Variants in RAB40B observed in about 807,000 individuals in gnomAD.
RAB40B encodes RAB40B, member RAS oncogene family, also known as ras-related protein Rab-40B.
Under a neutral mutation model 24.0 loss-of-function variants are expected in RAB40B, and 21 were observed. That is an observed-to-expected ratio of 0.88 (90% CI 0.62 to 1.26). The LOEUF (loss-of-function observed/expected upper bound fraction) is 1.26. RAB40B is among the 50% of genes most tolerant of loss of function. The pLI, the probability that RAB40B is intolerant of heterozygous loss-of-function variation, is 0.00. For synonymous variants in RAB40B, 167 were observed against 169.8 expected (o/e 0.98, Z 0.13); for missense variants, 348 against 390.5 (o/e 0.89, Z 0.92).
At chr17:82,691,378 C>A (rs1368379793) in intron 1 of RAB40B, among the ~76,000 whole-genome samples, 1 of 152,104 alleles carries the variant, frequency 6.6e-6, no homozygotes, top group Non-Finnish European at 1.5e-5. Context: ...CACCCCCCTC[C>A]CTGTCACCAA....
intron 1 of RAB40B, among the ~76,000 whole-genome samples, chr17:82,679,566 T>C (rs2046429174): frequency 6.6e-6 from 1 of 152,170 alleles, no homozygotes. Context: ...TGGGAGCCAC[T>C]GCGCCCGGCC....
chr17:82,657,843 T>C lies in RAB40B; in HGVS notation c.*20A>G. ...AGCTTCTCCTGGAGAGATTCCGCCG[T>C]GTTTCTTTCAGTGCCTTCCTTAAGA... On this transcript the variant is annotated 3_prime_UTR_variant, in exon 6 of 6. Coordinates refer to ENST00000571995, the MANE Select transcript of RAB40B (RefSeq NM_006822.3). 2 of 1,609,234 alleles carry C rather than the reference T, an allele frequency of 1.2e-6. No individual in the cohort carries two copies. Among genetic ancestry groups the C allele is most frequent in the East Asian group, 2.3e-5 (1 of 44,308 alleles).
At chr17:82,669,055 T>G (rs2046299466) in intron 1 of RAB40B, among the ~76,000 whole-genome samples, 1 of 152,266 alleles carries the variant, frequency 6.6e-6, no homozygotes, top group Non-Finnish European at 1.5e-5. Flanking sequence ...GAAAGGAAAA[T>G]AGCCAGGCAC....
Position 82,697,511 on chromosome 17 carries a change from C to T in RAB40B, c.142+944G>A, listed in dbSNP as rs1386025449. Among the ~76,000 whole-genome samples the T allele has an allele frequency of 6.6e-6, 1 of 152,196 alleles. No homozygotes were observed. Among genetic ancestry groups the T allele is most frequent in the East Asian group, 1.9e-4 (1 of 5,194 alleles). On this transcript the variant is annotated intron_variant, in intron 1 of 5. Coordinates refer to ENST00000571995, the MANE Select transcript of RAB40B (RefSeq NM_006822.3). The surrounding 1 kb of genome is among the most constrained non-coding windows in gnomAD (Gnocchi z 4.9). ...ACTCAGAGCGGGTCTCTGTTGGAAG[C>T]GTGGGTTCAGCCCCGAGGCGCGGCA...
At chr17:82,682,867 G>A (rs559639964) in intron 1 of RAB40B, among the ~76,000 whole-genome samples, 12 of 152,274 alleles carry the variant, frequency 7.9e-5, no homozygotes, top group African/African-American at 2.6e-4. Flanking sequence ...GAACCCGGCC[G>A]GGCACGGTGA....
intron 1 of RAB40B, among the ~76,000 whole-genome samples, chr17:82,685,590 C>T (rs1029199921): frequency 3.3e-5 from 5 of 152,226 alleles, no homozygotes; most frequent in South Asian, 2.1e-4. Context: ...CCCTAGCCAA[C>T]AGGAACCAAC....
chr17:82,658,964 C>A, intron 4 of RAB40B: 1 of 489,868 alleles, frequency 2.0e-6, no homozygotes, highest in Non-Finnish European at 3.7e-6. Context: ...CGGAGGAGGC[C>A]ATGTTACGCG....
chr17:82,693,128 G>A lies in RAB40B; in HGVS notation c.142+5327C>T, dbSNP rs867230604. Among the ~76,000 whole-genome samples the A allele has an allele frequency of 6.4e-4, 98 of 151,998 alleles. 1 individual carries two copies. In the Middle Eastern group the frequency reaches 0.01, roughly 16 times the overall value. ...AGTGCTTCTCCTGCCTCAGTCTCCC[G>A]AGTAGCTGGGAATACAGGTGCCCGC... On this transcript the variant is annotated intron_variant, in intron 1 of 5. Coordinates refer to ENST00000571995, the MANE Select transcript of RAB40B (RefSeq NM_006822.3).
intron 1 of RAB40B, among the ~76,000 whole-genome samples, chr17:82,681,775 G>T (rs2046451174): frequency 6.6e-6 from 1 of 151,856 alleles, no homozygotes; most frequent in Admixed American, 6.6e-5. Flanking sequence ...AATCAAAAAA[G>T]AAAAACCCAC....
At chr17:82,666,184 C>G (rs1598299538) in intron 1 of RAB40B, among the ~76,000 whole-genome samples, 2 of 152,184 alleles carry the variant, frequency 1.3e-5, no homozygotes, top group South Asian at 4.1e-4. Context: ...TCAAGTGATC[C>G]TCCCACTTCA....
chr17:82,660,351 G>A (rs2046150886), intron 3 of RAB40B, among the ~76,000 whole-genome samples: 1 of 148,018 alleles, frequency 6.8e-6, no homozygotes, highest in African/African-American at 2.5e-5. Flanking sequence ...GCACGCACGT[G>A]TACACACACA....
intron 1 of RAB40B, among the ~76,000 whole-genome samples, chr17:82,685,386 T>C (rs998313292): frequency 6.6e-6 from 1 of 152,092 alleles, no homozygotes; most frequent in Admixed American, 6.5e-5. Flanking sequence ...TGGGGCCTCC[T>C]TGGAGTCACC....
chr17:82,678,879 G>GTTTTTTTTTTTTTTTTTTTTTTTTT (rs35848277), intron 1 of RAB40B, among the ~76,000 whole-genome samples: 1 of 99,152 alleles, frequency 1.0e-5, no homozygotes, highest in African/African-American at 3.9e-5. Context: ...CCCTTTCTGC[G>GTTTTTTTTTTTTTTTTTTTTTTTTT]TTTTTTTTTT....
chr17:82,665,139 C>T lies in RAB40B; in HGVS notation c.143-583G>A, dbSNP rs145718820. Among the ~76,000 whole-genome samples the T allele has an allele frequency of 1.5e-3, 224 of 152,302 alleles. 7 individuals are homozygous for T. In the East Asian group the frequency reaches 0.027, roughly 19 times the overall value. On this transcript the variant is annotated intron_variant, in intron 1 of 5. Coordinates refer to ENST00000571995, the MANE Select transcript of RAB40B (RefSeq NM_006822.3). ...GTGCAGGGACACGGGACTGCACACCCGTCCCAGCCACCTCTGGGGTGCAGA... is the reference window on the plus strand; with the variant it reads ...GTGCAGGGACACGGGACTGCACACCTGTCCCAGCCACCTCTGGGGTGCAGA...
chr17:82,660,810 G>A (rs2046162163), intron 3 of RAB40B, among the ~76,000 whole-genome samples, 177 bp downstream of exon 3: 1 of 152,246 alleles, frequency 6.6e-6, no homozygotes, highest in Non-Finnish European at 1.5e-5. Context: ...TAATACTGAT[G>A]AAGTCTTTCA....
intron 1 of RAB40B, among the ~76,000 whole-genome samples, chr17:82,691,331 G>A (rs1480891147): frequency 6.6e-6 from 1 of 152,186 alleles, no homozygotes; most frequent in Admixed American, 6.5e-5. Flanking sequence ...GGAAAAGGGT[G>A]GGAGGCAAGA....
intron 2 of RAB40B, chr17:82,661,297 A>C: frequency 7.8e-7 from 1 of 1,274,468 alleles, no homozygotes; most frequent in Non-Finnish European, 9.9e-7. Flanking sequence ...CGGTTTTAAC[A>C]TAATTCTCAG....
chr17:82,696,975 G>GA (rs148892112), intron 1 of RAB40B: 5,530 of 153,116 alleles, frequency 0.036, 345 homozygotes, highest in African/African-American at 0.13. Context: ...ACCGAGCGGG[G>GA]AGGGGGGTAG....
chr17:82,694,134 G>A (rs1321838560), intron 1 of RAB40B, among the ~76,000 whole-genome samples: 4 of 149,680 alleles, frequency 2.7e-5, no homozygotes, highest in African/African-American at 7.5e-5. Flanking sequence ...AAAATTAGGA[G>A]ACAAAAATAA....
Sources: allele counts gnomAD v4.1 joint callset (sites outside exome capture counted in the v4.1 genomes callset), GRCh38; gene constraint gnomAD v4.1.1; non-coding constraint Gnocchi (gnomAD v3.1); transcripts MANE v1.5; gene names NCBI Gene and HGNC (gene_info 2026-07-23, HGNC 2026-07-21).